The following GIMD1 variants were observed in gnomAD, a reference collection of about 807,000 sequenced individuals.
GIMD1 encodes GIMAP family P-loop NTPase domain containing 1, also known as GTPase IMAP family member GIMD1.
A neutral mutation model predicts 14.9 loss-of-function variants in GIMD1; 14 were observed. The ratio of observed to expected loss-of-function variants is 0.94; its 90% CI spans 0.62 to 1.47. The LOEUF (loss-of-function observed/expected upper bound fraction) is 1.47, where lower values mean the gene tolerates loss of function less well. Ranked by LOEUF, GIMD1 falls within the 40% of genes most tolerant of loss-of-function variation. GIMD1 has a pLI of 0.00. For missense variants in GIMD1, 272 were observed against 255.3 expected, an observed-to-expected ratio of 1.07 and a Z score of -0.44; for synonymous variants, 91 against 90.5, an observed-to-expected ratio of 1.01 and a Z score of -0.03.
chr4:106,366,982 A>G lies in GIMD1; in HGVS notation c.393+61T>C, dbSNP rs1579658939. ...ATATTATTATTATTATTATTATACTATTAGGATAATGTCCTCCAAGAAGTA... is the reference window on the plus strand; with the variant it reads ...ATATTATTATTATTATTATTATACTGTTAGGATAATGTCCTCCAAGAAGTA... On this transcript the variant is annotated intron_variant, in intron 2 of 2. Transcript: ENST00000638719. 17 of 547,986 alleles carry G rather than the reference A, an allele frequency of 3.1e-5. No homozygotes were observed. The East Asian group carries it at 5.7e-4, about 18-fold the overall frequency. The allele number at this position is 547,986 out of a possible 1,614,324, so 33.9% of individuals were successfully genotyped here.
chr4:106,358,201 T>A lies in GIMD1; in HGVS notation c.636A>T (p.Gln212His). ...CTAAATTTTATTTAAATGTAAGAAC[T>A]TGGTAACAGTTCTCTTTTATAAATT... The part of the protein sequence containing the change: ...IMEFIKENCY[Q>H]VLTFK Residue 212 changes from glutamine to histidine, a missense_variant, in exon 3 of 3, where the codon CAA becomes CAT. Transcript: ENST00000638719. 1 of 1,496,918 alleles carries A rather than the reference T, an allele frequency of 6.7e-7. No homozygotes were observed. The highest frequency in any genetic ancestry group is 8.9e-7 in the Non-Finnish European group (1 of 1,128,204). 92.7% of individuals were successfully genotyped at this position (1,496,918 alleles called of 1,614,324 possible). A position where few individuals can be genotyped will look rare whatever the true frequency, so the allele number is the denominator to read the frequency against.
chr4:106,366,040 A>T (rs1770694626), intron 2 of GIMD1, among the ~76,000 whole-genome samples: 1 of 151,994 alleles, frequency 6.6e-6, no homozygotes, highest in African/African-American at 2.4e-5. Context: ...ACAGTTGAAG[A>T]CTGTGAATAA....
intron 1 of GIMD1, among the ~76,000 whole-genome samples, chr4:106,368,000 T>C (rs1192819426): frequency 1.3e-5 from 2 of 152,188 alleles, no homozygotes; most frequent in Non-Finnish European, 2.9e-5. Flanking sequence ...GCTTCTTTCC[T>C]ATGAAATATG....
Position 106,358,443 on chromosome 4 carries a change from C to T in GIMD1, c.394G>A (p.Glu132Lys), listed in dbSNP as rs1165644436. 2.7e-6 allele frequency: 4 copies of T among 1,503,212 alleles called. No homozygotes were observed. Among genetic ancestry groups the T allele is most frequent in the Non-Finnish European group, 3.5e-6 (4 of 1,136,842 alleles). The allele number at this position is 1,503,212 out of a possible 1,614,324, so 93.1% of individuals were successfully genotyped here. ...EVTDPVQMIQ[E>K]LLGHAWMNYT... ...TTCATCCAAGCATGTCCAAGAAGTT[C>T]CTGAAAGAGAGAAGTTAGATAACTA... Residue 132 changes from glutamate to lysine, a missense_variant and splice_region_variant, in exon 3 of 3, where the codon GAA (glutamate) becomes AAA (lysine). Physicochemically the swap from Glu to Lys is moderately conservative, Grantham distance 56. Coordinates refer to ENST00000638719, the MANE Select transcript of GIMD1 (RefSeq NM_001195138.2).
intron 2 of GIMD1, among the ~76,000 whole-genome samples, chr4:106,359,823 A>G (rs1221179028): frequency 6.6e-6 from 1 of 151,884 alleles, no homozygotes; most frequent in Non-Finnish European, 1.5e-5. Context: ...ACATGAAAAT[A>G]CTCGTGAGAA....
Position 106,358,252 on chromosome 4 carries a change from T to C in GIMD1, c.585A>G (p.Arg195=). 6.6e-7 allele frequency: 1 copy of C among 1,521,196 alleles called. No individual in the cohort carries two copies. Among genetic ancestry groups the C allele is most frequent in the Non-Finnish European group, 8.8e-7 (1 of 1,137,066 alleles). The allele number at this position is 1,521,196 out of a possible 1,614,324, so 94.2% of individuals were successfully genotyped here. Reference sequence around the variant, plus strand: ...CCATGATTCTTTCTAAGATTTTCATTCTTTGTTCATTGAGTGATTTTCCTT... The same window carrying C: ...CCATGATTCTTTCTAAGATTTTCATCCTTTGTTCATTGAGTGATTTTCCTT... ...YKKGKSLNEQ[R]MKILERIMEF... is the part of the protein sequence containing the mutation. Residue 195 remains arginine, a synonymous_variant, in exon 3 of 3, where the codon AGA becomes AGG. Transcript: ENST00000638719.
At chr4:106,361,739 G>A (rs1468365048) in intron 2 of GIMD1, among the ~76,000 whole-genome samples, 2 of 152,028 alleles carry the variant, frequency 1.3e-5, no homozygotes, top group African/African-American at 4.8e-5. Context: ...CTGATGTGTA[G>A]ATCATACTTG....
chr4:106,362,845 T>G (rs1054495833), intron 2 of GIMD1, among the ~76,000 whole-genome samples: 4 of 152,048 alleles, frequency 2.6e-5, no homozygotes, highest in Admixed American at 2.0e-4. Context: ...CCAGAGAATA[T>G]TCAACCTCAG....
At chr4:106,364,319 T>C (rs976853406) in intron 2 of GIMD1, among the ~76,000 whole-genome samples, 2 of 152,184 alleles carry the variant, frequency 1.3e-5, no homozygotes, top group Middle Eastern at 3.4e-3. Flanking sequence ...TACTAGTCAG[T>C]GCCCCTGAAA....
intron 2 of GIMD1, among the ~76,000 whole-genome samples, chr4:106,364,033 C>G (rs191147291): frequency 1.4e-4 from 21 of 152,020 alleles, no homozygotes; most frequent in Admixed American, 7.2e-4. Context: ...AAATGAGATT[C>G]CAGATAATAT....
chr4:106,368,337 A>T (rs1412206148), intron 1 of GIMD1, among the ~76,000 whole-genome samples: 3 of 152,208 alleles, frequency 2.0e-5, no homozygotes, highest in Non-Finnish European at 4.4e-5. Flanking sequence ...AAGCAGAGTT[A>T]CTTGCCAATT....
chr4:106,359,864 A>T (rs978700067), intron 2 of GIMD1, among the ~76,000 whole-genome samples: 1 of 151,954 alleles, frequency 6.6e-6, no homozygotes, highest in Non-Finnish European at 1.5e-5. Flanking sequence ...AATTAGAAAC[A>T]TCACAATCAT....
intron 2 of GIMD1, among the ~76,000 whole-genome samples, chr4:106,361,648 T>C (rs1770614458): frequency 6.6e-6 from 1 of 152,112 alleles, no homozygotes; most frequent in Non-Finnish European, 1.5e-5. Context: ...GATATCAAAA[T>C]GTTTTCATAC....
chr4:106,360,392 A>T (rs922447232), intron 2 of GIMD1, among the ~76,000 whole-genome samples: 3 of 152,080 alleles, frequency 2.0e-5, no homozygotes, highest in Admixed American at 6.6e-5. Context: ...ATAAATTTTT[A>T]AAAAATTAGT....
rs200136606 is a variant in GIMD1, at chr4:106,366,944, T to TATA, written c.393+96_393+98dup. 700 of 338,062 alleles carry TATA rather than the reference T, an allele frequency of 2.1e-3. 2 individuals are homozygous for TATA. Among genetic ancestry groups the TATA allele is most frequent in the African/African-American group, 9.0e-3 (389 of 43,224 alleles). The allele number at this position is 338,062 out of a possible 1,614,324, so 20.9% of individuals were successfully genotyped here. On this transcript the variant is annotated intron_variant, in intron 2 of 2. Coordinates refer to ENST00000638719, the MANE Select transcript of GIMD1 (RefSeq NM_001195138.2). ...GTACTATATTATTATATACTAATAGTATAATAATAATAATATTATTATTAT... is the reference window on the plus strand; with the variant it reads ...GTACTATATTATTATATACTAATAGTATAATAATAATAATAATATTATTATTAT...
intron 1 of GIMD1, among the ~76,000 whole-genome samples, chr4:106,368,356 T>A (rs930324119): frequency 6.6e-6 from 1 of 152,206 alleles, no homozygotes; most frequent in Non-Finnish European, 1.5e-5. Flanking sequence ...TTGCTAAAAC[T>A]GCCCACGCTA....
intron 2 of GIMD1, among the ~76,000 whole-genome samples, chr4:106,366,265 G>C (rs1264553193): frequency 6.6e-6 from 1 of 152,092 alleles, no homozygotes; most frequent in Non-Finnish European, 1.5e-5. Context: ...ACTCTCCCTT[G>C]AATGCTCACT....
chr4:106,365,937 G>A (rs984338065), intron 2 of GIMD1, among the ~76,000 whole-genome samples: 7 of 135,192 alleles, frequency 5.2e-5, no homozygotes, highest in Non-Finnish European at 9.4e-5. Flanking sequence ...GTACACACAC[G>A]TACACACACA....
intron 1 of GIMD1, among the ~76,000 whole-genome samples, chr4:106,367,855 GA>G (rs528048531): frequency 7.9e-5 from 12 of 152,192 alleles, no homozygotes; most frequent in Non-Finnish European, 1.8e-4. Context: ...CACTATTGGA[GA>G]AGTAAGAATA....
Sources: allele counts gnomAD v4.1 joint callset (sites outside exome capture counted in the v4.1 genomes callset), GRCh38; gene constraint gnomAD v4.1.1; transcripts MANE v1.5; gene names NCBI Gene and HGNC (gene_info 2026-07-23, HGNC 2026-07-21).